Variants in NAA11 observed in about 807,000 individuals in gnomAD.
NAA11 encodes the protein N-alpha-acetyltransferase 11, NatA catalytic subunit, also known as N-alpha-acetyltransferase 11.
NAA11 carries 15 observed loss-of-function variants against 16.1 expected under a neutral mutation model. The observed-to-expected ratio is 0.93, with a 90% CI of 0.62 to 1.44. The LOEUF (loss-of-function observed/expected upper bound fraction) is 1.44. NAA11 is among the 40% of genes most tolerant of loss of function. The pLI is 0.00. For synonymous variants in NAA11, 122 were observed against 112.4 expected (o/e 1.09, Z -0.54); for missense variants, 298 against 291.3 (o/e 1.02, Z -0.17).
chr4:79,193,606 C>A, the NAA11 span, among the ~76,000 whole-genome samples: 1 of 152,098 alleles, frequency 6.6e-6, no homozygotes, highest in East Asian at 1.9e-4. Context: ...GGTACCAGTA[C>A]CATGCTGTTT....
chr4:79,205,782 T>C, the NAA11 span, among the ~76,000 whole-genome samples: 2 of 152,090 alleles, frequency 1.3e-5, no homozygotes, highest in South Asian at 4.1e-4. Flanking sequence ...TGAGTTACTT[T>C]TTATATAAGG....
At chr4:79,250,015 C>T (rs973310750) in intron 2 of NAA11, among the ~76,000 whole-genome samples, 6 of 152,240 alleles carry the variant, frequency 3.9e-5, no homozygotes, top group Non-Finnish European at 8.8e-5. Context: ...GGCTATGGCC[C>T]ACCCAGGAGC....
At chr4:79,298,791 G>A (rs548609723) in intron 1 of NAA11, among the ~76,000 whole-genome samples, 136 of 152,352 alleles carry the variant, frequency 8.9e-4, no homozygotes, top group African/African-American at 3.2e-3. Context: ...GTGGGCCCAA[G>A]CAAAACTGCC....
At chr4:79,237,500 A>G (rs1244369100) in intron 2 of NAA11, among the ~76,000 whole-genome samples, 1 of 152,190 alleles carries the variant, frequency 6.6e-6, no homozygotes, top group Non-Finnish European at 1.5e-5. Context: ...TTGAAGTATA[A>G]TACACACCAC....
At chr4:79,183,586 T>C in the NAA11 span, among the ~76,000 whole-genome samples, 1 of 152,114 alleles carries the variant, frequency 6.6e-6, no homozygotes, top group Non-Finnish European at 1.5e-5. Flanking sequence ...CCCTCAAGAT[T>C]TTGCTAGGAT....
rs180679917 is a variant in NAA11, at chr4:79,298,806, G to C, written c.*13-4692C>G. ...GTGGGCCCAAGCAAAACTGCCAAAG[G>C]TGTCATCGGCCACAGAGGTTTCCAG... is the stretch of plus-strand genomic sequence containing the variant. On this transcript the variant is annotated intron_variant and NMD_transcript_variant, in intron 1 of 2. Coordinates refer to the NAA11 transcript ENST00000511542. 1.1e-4 allele frequency among the ~76,000 whole-genome samples: 16 copies of C among 152,362 alleles called. No individual in the cohort carries two copies. The East Asian group carries it at 3.1e-3, about 29-fold the overall frequency.
chr4:79,256,063 G>A (rs1218955607), intron 2 of NAA11, among the ~76,000 whole-genome samples: 2 of 152,268 alleles, frequency 1.3e-5, no homozygotes, highest in South Asian at 4.1e-4. Context: ...TTGGTCTGGT[G>A]TCTGAGCCCC....
chr4:79,243,914 T>G (rs953531755), intron 2 of NAA11, among the ~76,000 whole-genome samples: 1 of 152,348 alleles, frequency 6.6e-6, no homozygotes, highest in Middle Eastern at 3.4e-3. Flanking sequence ...ATTCTTCCCT[T>G]AGGGTGGGCT....
intron 2 of NAA11, among the ~76,000 whole-genome samples, chr4:79,235,461 C>G (rs1201698192): frequency 2.0e-5 from 3 of 152,042 alleles, no homozygotes; most frequent in African/African-American, 7.2e-5. Context: ...TCAAAAAAAA[C>G]CTGGGGTACA....
intron 2 of NAA11, among the ~76,000 whole-genome samples, chr4:79,282,546 C>T (rs944990785): frequency 6.6e-6 from 1 of 151,810 alleles, no homozygotes; most frequent in African/African-American, 2.4e-5. Context: ...CTAAATGTTT[C>T]CTAGATCAAC....
chr4:79,224,022 T>C (rs115419003), downstream of NAA11, among the ~76,000 whole-genome samples: 488 of 152,236 alleles, frequency 3.2e-3, 3 homozygotes, highest in Middle Eastern at 0.014. Context: ...TATGTAAAAA[T>C]AAGCAAACAA....
At chr4:79,314,774 G>T (rs1723879239), downstream of NAA11, among the ~76,000 whole-genome samples, 1 of 151,226 alleles carries the variant, frequency 6.6e-6, no homozygotes, top group Non-Finnish European at 1.5e-5. Flanking sequence ...GTGAGAATTA[G>T]AAGTGAAACT....
intron 1 of NAA11, among the ~76,000 whole-genome samples, chr4:79,321,657 A>T (rs1268236633): frequency 3.3e-5 from 5 of 152,224 alleles, no homozygotes; most frequent in African/African-American, 1.2e-4. Context: ...TAGTATTAGC[A>T]ATACTTGAGA....
the NAA11 span, among the ~76,000 whole-genome samples, chr4:79,202,380 G>A: frequency 2.7e-5 from 4 of 150,684 alleles, no homozygotes; most frequent in East Asian, 5.9e-4. Flanking sequence ...GAACAGATGA[G>A]CCTGAGACGT....
rs540809086 is a variant in NAA11, at chr4:79,242,699, G to T, written c.*123-16429C>A. Among the ~76,000 whole-genome samples the T allele has an allele frequency of 3.5e-4, 53 of 152,258 alleles. No homozygotes were observed. The South Asian group carries it at 0.011, about 30-fold the overall frequency. On this transcript the variant is annotated intron_variant and NMD_transcript_variant, in intron 2 of 2. Transcript: ENST00000511542. ...ACTTATCTATGAGATTTGGAAAAAA[G>T]GATTGTATGAACAAGAGAAGATATT...
At chr4:79,226,584 C>T (rs1213618176) in intron 2 of NAA11, among the ~76,000 whole-genome samples, 1 of 115,818 alleles carries the variant, frequency 8.6e-6, no homozygotes, top group Non-Finnish European at 1.7e-5. Flanking sequence ...CCCCCTCCCC[C>T]CACCCCACAA....
intron 2 of NAA11, among the ~76,000 whole-genome samples, chr4:79,226,984 G>A (rs182422125): frequency 0.025 from 3,754 of 152,120 alleles, 179 homozygotes; most frequent in African/African-American, 0.085. Flanking sequence ...TCTAGTTCTA[G>A]ATCCCTGAGG....
chr4:79,269,828 G>C (rs1353950791), intron 2 of NAA11, among the ~76,000 whole-genome samples: 2 of 146,018 alleles, frequency 1.4e-5, no homozygotes, highest in African/African-American at 5.1e-5. Context: ...GGGTTTTTAT[G>C]GTTTTAGGTC....
At chr4:79,258,256 C>T (rs1167723510) in intron 2 of NAA11, among the ~76,000 whole-genome samples, 1 of 152,260 alleles carries the variant, frequency 6.6e-6, no homozygotes, top group Admixed American at 6.5e-5. Flanking sequence ...AGGTCTCTTG[C>T]TCCACAGAGC....
Sources: allele counts gnomAD v4.1 joint callset (sites outside exome capture counted in the v4.1 genomes callset), GRCh38; gene constraint gnomAD v4.1.1; transcripts MANE v1.5; gene names NCBI Gene and HGNC (gene_info 2026-07-23, HGNC 2026-07-21).